The following FOXK1 variants were observed in gnomAD, a reference collection of about 807,000 sequenced individuals.
The protein encoded by FOXK1 is forkhead box protein K1.
FOXK1 carries 19 observed loss-of-function variants against 51.9 expected under a neutral mutation model. That is an observed-to-expected ratio of 0.37 (90% confidence interval 0.26 to 0.54). The LOEUF is 0.54. Ranked by LOEUF, FOXK1 falls within the 20% of genes least tolerant of loss-of-function variation. The probability of loss-of-function intolerance (pLI) is 0.87; values close to 1 mark genes in which losing one functional copy is unlikely to be tolerated. For missense variants in FOXK1, 870 were observed against 1,032.7 expected (o/e 0.84, Z 2.16); for synonymous variants, 537 against 482.6 (o/e 1.11, Z -1.48).
At chr7:4,744,448 C>T (rs1197943079) in intron 2 of FOXK1, among the ~76,000 whole-genome samples, 1 of 152,216 alleles carries the variant, frequency 6.6e-6, no homozygotes, top group Non-Finnish European at 1.5e-5. Context: ...TTGTTTCGAT[C>T]TTCCTGTTCC....
At position 4,735,587 on chromosome 7, in the gene FOXK1, G is replaced by A. The variant is rs900743068; in HGVS notation, c.561-5251G>A. On this transcript the variant is annotated intron_variant, in intron 1 of 8. Transcript: ENST00000328914. The surrounding 1 kb of genome is among the most constrained non-coding windows in gnomAD (Gnocchi z 4.7). ...CTAAGTCGGGCAAGAATGTTCTGGAGAGATGTCCTCCACAGATGGGCACTT... is the reference window on the plus strand; with the variant it reads ...CTAAGTCGGGCAAGAATGTTCTGGAAAGATGTCCTCCACAGATGGGCACTT... 4.6e-5 allele frequency among the ~76,000 whole-genome samples: 7 copies of A among 152,164 alleles called. No individual in the cohort carries two copies. The highest frequency in any genetic ancestry group is 3.3e-4 in the Admixed American group (5 of 15,280).
At chr7:4,726,047 G>A (rs1780377254) in intron 1 of FOXK1, among the ~76,000 whole-genome samples, 3 of 150,530 alleles carry the variant, frequency 2.0e-5, no homozygotes, top group African/African-American at 7.3e-5. Flanking sequence ...AAGACCTTTT[G>A]CTCTCTGTTG....
intron 1 of FOXK1, among the ~76,000 whole-genome samples, chr7:4,713,488 G>GTTTTT (rs56251793): frequency 6.8e-6 from 1 of 147,470 alleles, no homozygotes; most frequent in Non-Finnish European, 1.5e-5. Context: ...TAACCACCGT[G>GTTTTT]TTTTTTTTTT....
At chr7:4,737,247 CAG>C (rs1400185406) in intron 1 of FOXK1, among the ~76,000 whole-genome samples, 1 of 152,198 alleles carries the variant, frequency 6.6e-6, no homozygotes. Flanking sequence ...TTTCACGACA[CAG>C]AAAGTCAGAG....
At position 4,747,691 on chromosome 7, in the gene FOXK1, A is replaced by C. The variant is rs1033378931; in HGVS notation, c.746+6668A>C. Among the ~76,000 whole-genome samples the C allele has an allele frequency of 1.3e-5, 2 of 151,434 alleles. No individual in the cohort carries two copies. Among genetic ancestry groups the C allele is most frequent in the Non-Finnish European group, 2.9e-5 (2 of 67,826 alleles). On this transcript the variant is annotated intron_variant, in intron 2 of 8. Transcript: ENST00000328914. This position sits in a 1 kb window ranked among gnomAD's most constrained non-coding sequence, Gnocchi z 9.2. Reference sequence around the variant, plus strand: ...GCTAGGACTACAGGCACCCACCACCACACACACCCAGCTCATTTTTTATTT... The same window carrying C: ...GCTAGGACTACAGGCACCCACCACCCCACACACCCAGCTCATTTTTTATTT...
At chr7:4,710,304 G>C (rs1780158429) in intron 1 of FOXK1, among the ~76,000 whole-genome samples, 1 of 152,184 alleles carries the variant, frequency 6.6e-6, no homozygotes, top group Non-Finnish European at 1.5e-5. Flanking sequence ...CCAGCACCTT[G>C]GGAGGCTAAG....
chr7:4,688,633 C>G (rs191828115), intron 1 of FOXK1, among the ~76,000 whole-genome samples: 1 of 152,110 alleles, frequency 6.6e-6, no homozygotes, highest in Non-Finnish European at 1.5e-5. Context: ...GTGATCTGCC[C>G]GCCTCAGCCT....
rs188250721 is a variant in FOXK1, at chr7:4,685,867, C to T, written c.560+2999C>T. ...CTGAGACAGAAGAATCGCTTGAACC[C>T]GGGAGGTGGAGGTTGCAGTGAGCTG... On this transcript the variant is annotated intron_variant, in intron 1 of 8. Transcript: ENST00000328914. 2.3e-3 allele frequency among the ~76,000 whole-genome samples: 345 copies of T among 150,936 alleles called. 2 individuals are homozygous for T. The highest frequency in any genetic ancestry group is 8.0e-3 in the African/African-American group (329 of 41,174).
chr7:4,696,269 A>T (rs1378270165), intron 1 of FOXK1, among the ~76,000 whole-genome samples: 2 of 152,088 alleles, frequency 1.3e-5, no homozygotes, highest in African/African-American at 4.8e-5. Context: ...AATAAAGAAG[A>T]GGGACAAGCT....
Position 4,699,987 on chromosome 7 carries a change from G to A in FOXK1, c.560+17119G>A, listed in dbSNP as rs571112078. On this transcript the variant is annotated intron_variant, in intron 1 of 8. Coordinates refer to ENST00000328914, the MANE Select transcript of FOXK1 (RefSeq NM_001037165.2). ...AACATTGACCGAGTACCATGATAATGGGCTCCTTCTTGTTCCTAGCTTGGA... is the reference window on the plus strand; with the variant it reads ...AACATTGACCGAGTACCATGATAATAGGCTCCTTCTTGTTCCTAGCTTGGA... 2.6e-5 allele frequency among the ~76,000 whole-genome samples: 4 copies of A among 152,260 alleles called. No homozygotes were observed. The East Asian group carries it at 5.8e-4, about 22-fold the overall frequency.
At position 4,715,171 on chromosome 7, in the gene FOXK1, A is replaced by ACGATACGGGGCACGGTGGAACTGTGG. The variant is rs375207305; in HGVS notation, c.561-25641_561-25616dup. Among the ~76,000 whole-genome samples, 21,496 of 147,668 alleles carry ACGATACGGGGCACGGTGGAACTGTGG rather than the reference A, an allele frequency of 0.15. 2,278 individuals are homozygous for ACGATACGGGGCACGGTGGAACTGTGG. Among genetic ancestry groups the ACGATACGGGGCACGGTGGAACTGTGG allele is most frequent in the African/African-American group, 0.27 (10,568 of 39,014 alleles). On this transcript the variant is annotated intron_variant, in intron 1 of 8. Coordinates refer to ENST00000328914, the MANE Select transcript of FOXK1 (RefSeq NM_001037165.2). This position sits in a 1 kb window ranked among gnomAD's most constrained non-coding sequence, Gnocchi z 4.5. Reference sequence around the variant, plus strand: ...TGATACGGTACATGGTGGAACTGTGACGATACGGGGCACGGTGGAACTGTG... The same window carrying ACGATACGGGGCACGGTGGAACTGTGG: ...TGATACGGTACATGGTGGAACTGTGACGATACGGGGCACGGTGGAACTGTGGCGATACGGGGCACGGTGGAACTGTG...
rs191961270 is a variant in FOXK1, at chr7:4,765,408, G to A, written c.*2944G>A. 4 of 152,406 alleles carry A rather than the reference G, an allele frequency of 2.6e-5. No homozygotes were observed. Among genetic ancestry groups the A allele is most frequent in the Non-Finnish European group, 5.9e-5 (4 of 68,080 alleles). The allele number at this position is 152,406 out of a possible 1,614,324, so 9.4% of individuals were successfully genotyped here. A position where few individuals can be genotyped will look rare whatever the true frequency, so the allele number is the denominator to read the frequency against. ...CAAGAGCACAGGCCAGGGGGACCGG[G>A]AGAGCCTCAGCCCCCAGCCTGGGCG... On this transcript the variant is annotated 3_prime_UTR_variant, in exon 9 of 9. Coordinates refer to ENST00000328914, the MANE Select transcript of FOXK1 (RefSeq NM_001037165.2).
intron 2 of FOXK1, among the ~76,000 whole-genome samples, chr7:4,741,956 T>G (rs935539025): frequency 2.0e-5 from 3 of 152,242 alleles, no homozygotes; most frequent in African/African-American, 7.2e-5. Flanking sequence ...GACGTGTACT[T>G]GAGGCTGGAG....
In FOXK1 at chr7:4,749,888, G is replaced by A. The variant is rs965103319; in HGVS notation, c.747-4571G>A. 6.6e-6 allele frequency among the ~76,000 whole-genome samples: 1 copy of A among 152,198 alleles called. No individual in the cohort carries two copies. Among genetic ancestry groups the A allele is most frequent in the Non-Finnish European group, 1.5e-5 (1 of 68,032 alleles). ...TGACTTCTCATCATAACGTGACCCA[G>A]CGACCTGTGTGTCCCACAGCCCGTC... On this transcript the variant is annotated intron_variant, in intron 2 of 8. Transcript: ENST00000328914. This position sits in a 1 kb window ranked among gnomAD's most constrained non-coding sequence, Gnocchi z 6.0.
rs1033208152 is a variant in FOXK1, at chr7:4,733,055, C to T, written c.561-7783C>T. Among the ~76,000 whole-genome samples the T allele has an allele frequency of 3.3e-4, 50 of 152,202 alleles. No individual in the cohort carries two copies. The highest frequency in any genetic ancestry group is 1.2e-3 in the African/African-American group (49 of 41,460). ...TCTCCTGCACAGCTCTGGGCTCCTGCACAGCTTCTGTTCTGGGGCTTTTCA... is the reference window on the plus strand; with the variant it reads ...TCTCCTGCACAGCTCTGGGCTCCTGTACAGCTTCTGTTCTGGGGCTTTTCA... On this transcript the variant is annotated intron_variant, in intron 1 of 8. Transcript: ENST00000328914. This position sits in a 1 kb window ranked among gnomAD's most constrained non-coding sequence, Gnocchi z 5.0.
intron 1 of FOXK1, among the ~76,000 whole-genome samples, chr7:4,718,811 TTTTG>T (rs1274409980): frequency 2.0e-5 from 3 of 152,244 alleles, no homozygotes; most frequent in African/African-American, 4.8e-5. Context: ...GCTTTTGTTT[TTTTG>T]TTTGTTTGTT....
At chr7:4,739,583 G>GT (rs1230588871) in intron 1 of FOXK1, among the ~76,000 whole-genome samples, 4 of 152,228 alleles carry the variant, frequency 2.6e-5, no homozygotes, top group Non-Finnish European at 5.9e-5. Context: ...GCACACTGGT[G>GT]TTGACCCTGA....
Position 4,709,171 on chromosome 7 carries a change from A to G in FOXK1, c.560+26303A>G, listed in dbSNP as rs1780143227. 6.6e-6 allele frequency among the ~76,000 whole-genome samples: 1 copy of G among 152,070 alleles called. No homozygotes were observed. Among genetic ancestry groups the G allele is most frequent in the African/African-American group, 2.4e-5 (1 of 41,416 alleles). On this transcript the variant is annotated intron_variant, in intron 1 of 8. Transcript: ENST00000328914. The surrounding 1 kb of genome is among the most constrained non-coding windows in gnomAD (Gnocchi z 5.6). ...AAGCCTCGCCTAGCTGTTGCTGTGCACACTGGGGGCCCGAGGCCCCAGGAT... is the reference window on the plus strand; with the variant it reads ...AAGCCTCGCCTAGCTGTTGCTGTGCGCACTGGGGGCCCGAGGCCCCAGGAT...
At chr7:4,684,263 A>G (rs1779791406) in intron 1 of FOXK1, among the ~76,000 whole-genome samples, 1 of 152,172 alleles carries the variant, frequency 6.6e-6, no homozygotes, top group Non-Finnish European at 1.5e-5. Flanking sequence ...GTTCTTGTTC[A>G]GGGTTGTCTG....
Sources: gnomAD v4.1 joint callset for allele counts (sites outside exome capture counted in the v4.1 genomes callset) on GRCh38, gnomAD v4.1.1 for gene constraint, Gnocchi (gnomAD v3.1) non-coding constraint, MANE v1.5 for transcripts, NCBI Gene and HGNC (gene_info 2026-07-23, HGNC 2026-07-21) for gene names.